ABCA1: variants seen among roughly 807,000 people sequenced by gnomAD.
The protein encoded by ABCA1 is phospholipid-transporting ATPase ABCA1.
In ABCA1, 133 loss-of-function variants were observed where a neutral mutation model predicts 262.5. The observed-to-expected ratio is 0.51, with a 90% CI of 0.44 to 0.59. The LOEUF (loss-of-function observed/expected upper bound fraction) is 0.59, where lower values mean the gene tolerates loss of function less well. Among genes scored for constraint, ABCA1 ranks in the 20% least tolerant of loss-of-function variants. The probability of loss-of-function intolerance (pLI) is 0.00; values close to 1 mark genes in which losing one functional copy is unlikely to be tolerated. For missense variants in ABCA1, 2,452 were observed against 2,777.5 expected (o/e 0.88, Z 2.63); for synonymous variants, 1,022 against 1,043.5 (o/e 0.98, Z 0.40).
intron 1 of ABCA1, among the ~76,000 whole-genome samples, chr9:104,912,848 A>G (rs1365500834): frequency 2.0e-5 from 3 of 152,190 alleles, no homozygotes; most frequent in Non-Finnish European, 4.4e-5. Flanking sequence ...TTTCAGTCAC[A>G]ATCATAACAC....
intron 5 of ABCA1, among the ~76,000 whole-genome samples, chr9:104,880,217 G>C (rs925965062): frequency 6.6e-6 from 1 of 152,150 alleles, no homozygotes; most frequent in Non-Finnish European, 1.5e-5. Flanking sequence ...GCACAGGAGG[G>C]CCAAGCTCAT....
At chr9:104,795,870 ATG>A (rs1829853484) in intron 39 of ABCA1, among the ~76,000 whole-genome samples, 181 bp downstream of exon 39, 1 of 152,346 alleles carries the variant, frequency 6.6e-6, no homozygotes, top group African/African-American at 2.4e-5. Flanking sequence ...GACCAGCAAA[ATG>A]TAAGGCACAG....
Position 104,798,459 on chromosome 9 carries a change from G to C in ABCA1, c.5083C>G (p.Pro1695Ala), listed in dbSNP as rs757764323. ...KHLQFISGVK[P>A]VIYWLSNFVW... ...AAATTAGAGAGCCAGTAGATGACAG[G>C]CTTCACTCCACTGATGAACTGCAGG... The change falls in exon 37 of 50, where the codon CCT becomes GCT. Residue 1695 changes from proline to alanine, a missense_variant. Physicochemically the swap from Pro to Ala is conservative, Grantham distance 27 (BLOSUM62 -1). Coordinates refer to ENST00000374736, the MANE Select transcript of ABCA1 (RefSeq NM_005502.4). 5.0e-6 allele frequency: 8 copies of C among 1,614,168 alleles called. No homozygotes were observed. The highest frequency in any genetic ancestry group is 6.8e-6 in the Non-Finnish European group (8 of 1,180,024).
chr9:104,865,159 AAAC>A (rs1836975267), intron 5 of ABCA1, among the ~76,000 whole-genome samples: 4 of 152,136 alleles, frequency 2.6e-5, no homozygotes, highest in African/African-American at 9.7e-5. Flanking sequence ...ACTGGTTCTC[AAAC>A]ATGACTGCCC....
At position 104,818,881 on chromosome 9, in the gene ABCA1, G is replaced by A. The variant is rs371187966; in HGVS notation, c.3244C>T (p.Arg1082Cys). ...WELLLKYRQGRTIILSTHHMD... is the reference protein window; with the variant it reads ...WELLLKYRQGCTIILSTHHMD... The stretch of plus-strand genomic sequence containing the variant: ...TGGTGTGTAGAGAGAATAATGGTGC[G>A]GCCTGCCAGGCACAAACACAAGGAT... The change falls in exon 23 of 50, where the codon CGC becomes TGC. Residue 1082 changes from arginine to cysteine, a missense_variant and splice_region_variant. Physicochemically the swap from Arg to Cys is radical, Grantham distance 180. Around this residue, in one of 4 missense-constraint regions of ABCA1, gnomAD observed 665 missense variants for 727.3 expected, o/e 0.91. Coordinates refer to ENST00000374736, the MANE Select transcript of ABCA1 (RefSeq NM_005502.4). 1.2e-5 allele frequency: 20 copies of A among 1,611,500 alleles called. No homozygotes were observed. The South Asian group carries it at 1.9e-4, about 15-fold the overall frequency.
At chr9:104,843,283 C>T (rs899013536) in intron 8 of ABCA1, among the ~76,000 whole-genome samples, 1 of 152,230 alleles carries the variant, frequency 6.6e-6, no homozygotes, top group African/African-American at 2.4e-5. Context: ...TGCCAGGCAG[C>T]TGGTCGGTGC....
At chr9:104,787,710 G>A (rs972265096) in intron 46 of ABCA1, 1 of 334,294 alleles carries the variant, frequency 3.0e-6, no homozygotes, top group Non-Finnish European at 4.3e-6. Context: ...AGTGCTTGGA[G>A]TGCCTCTATT....
intron 19 of ABCA1, 142 bp downstream of exon 19, chr9:104,822,354 A>G: frequency 8.9e-7 from 1 of 1,119,320 alleles, no homozygotes; most frequent in Non-Finnish European, 1.3e-6. Context: ...TCATGATTAG[A>G]TAACATGTTC....
intron 6 of ABCA1, chr9:104,861,358 A>G: frequency 1.9e-6 from 1 of 524,676 alleles, no homozygotes; most frequent in Non-Finnish European, 3.4e-6. Context: ...TTATTGCCTC[A>G]GAACTGTGAA....
chr9:104,830,471 C>A (rs113088542), intron 14 of ABCA1, among the ~76,000 whole-genome samples: 5 of 152,030 alleles, frequency 3.3e-5, no homozygotes. Flanking sequence ...GGGTGGATTG[C>A]CTGAGCTCAG....
intron 8 of ABCA1, among the ~76,000 whole-genome samples, chr9:104,842,831 C>T (rs73663566): frequency 0.019 from 2,833 of 152,256 alleles, 101 homozygotes; most frequent in African/African-American, 0.065. Context: ...TCAAGCCCTC[C>T]GCTGGATTCT....
In ABCA1 at chr9:104,800,697, C is replaced by G. The variant is rs532955577; in HGVS notation, c.4699-113G>C. 8.9e-6 allele frequency: 8 copies of G among 900,208 alleles called. No individual in the cohort carries two copies. In the South Asian group the frequency reaches 1.1e-4, roughly 12 times the overall value. The allele number at this position is 900,208 out of a possible 1,614,324, so 55.8% of individuals were successfully genotyped here. On this transcript the variant is annotated intron_variant, in intron 34 of 49. Transcript: ENST00000374736. Reference sequence around the variant, plus strand: ...GCCCTGTGAAGAGCAATGCCACTACCTTGTTCACTGAAATTAAATGTGAAG... The same window carrying G: ...GCCCTGTGAAGAGCAATGCCACTACGTTGTTCACTGAAATTAAATGTGAAG...
rs1287971266 is a variant in ABCA1, at chr9:104,855,499, C to T, written c.720+3023G>A. 6.4e-6 allele frequency: 4 copies of T among 625,360 alleles called. No individual in the cohort carries two copies. In the African/African-American group the frequency reaches 7.4e-5, roughly 12 times the overall value. 38.7% of individuals were successfully genotyped at this position (625,360 alleles called of 1,614,324 possible). A position where few individuals can be genotyped will look rare whatever the true frequency, so the allele number is the denominator to read the frequency against. On this transcript the variant is annotated intron_variant, in intron 7 of 49. Coordinates refer to ENST00000374736, the MANE Select transcript of ABCA1 (RefSeq NM_005502.4). ...TTACAACAGATGTGAGCCACTGTGC[C>T]TGGCTGAAAACTTCTATCTTGACGC...
chr9:104,897,320 GA>G (rs1840311091), intron 2 of ABCA1, among the ~76,000 whole-genome samples: 1 of 152,042 alleles, frequency 6.6e-6, no homozygotes, highest in Admixed American at 6.6e-5. Context: ...GGATCCTCTG[GA>G]AAGACATCTG....
rs1832875729 is a variant in ABCA1 at position 104,827,108 on chromosome 9, G to A, written c.2177C>T (p.Ala726Val). ...GAAGCACTGCAGGATTGTCACCACA[G>A]CAAACACGGACAGGAAGACAAACAC... ...SVVFVFLSVFAVVTILQCFLI... is the reference protein window; with the variant it reads ...SVVFVFLSVFVVVTILQCFLI... Residue 726 changes from alanine to valine, a missense_variant, in exon 16 of 50, where the codon GCT (alanine) becomes GTT (valine). Coordinates refer to ENST00000374736, the MANE Select transcript of ABCA1 (RefSeq NM_005502.4). 3 of 1,614,190 alleles carry A rather than the reference G, an allele frequency of 1.9e-6. No individual in the cohort carries two copies. The highest frequency in any genetic ancestry group is 2.5e-6 in the Non-Finnish European group (3 of 1,180,038).
At chr9:104,835,578 A>T (rs965699548) in intron 11 of ABCA1, among the ~76,000 whole-genome samples, 1 of 151,940 alleles carries the variant, frequency 6.6e-6, no homozygotes, top group African/African-American at 2.4e-5. Flanking sequence ...TCTTCAATTC[A>T]TCCACCCCAT....
chr9:104,788,555 G>A lies in ABCA1; in HGVS notation c.5940C>T (p.Asn1980=), dbSNP rs1326539083. The A allele has an allele frequency of 6.2e-7, 1 of 1,614,164 alleles. No individual in the cohort carries two copies. The highest frequency in any genetic ancestry group is 8.5e-7 in the Non-Finnish European group (1 of 1,180,018). ...CCATGTTCTGATGTACTTCATGGAT[G>A]TTTGATAAGATACTGCAAAGGACAA... ...AFLNKNSILS[N]IHEVHQNMGY... The change falls in exon 45 of 50, where the codon AAC becomes AAT. Residue 1980 remains asparagine (N), a synonymous_variant. Coordinates refer to ENST00000374736, the MANE Select transcript of ABCA1 (RefSeq NM_005502.4).
At position 104,798,287 on chromosome 9, in the gene ABCA1, G is replaced by A. The variant is rs909676646; in HGVS notation, c.5121+134C>T. 1.5e-5 allele frequency: 16 copies of A among 1,057,874 alleles called. No homozygotes were observed. In the African/African-American group the frequency reaches 2.0e-4, roughly 13 times the overall value. 65.5% of individuals were successfully genotyped at this position (1,057,874 alleles called of 1,614,324 possible). A position where few individuals can be genotyped will look rare whatever the true frequency, so the allele number is the denominator to read the frequency against. ...GTCATGAAAGTGATCACCTGCCTCTGGCTATTTCTTTTTCATACATCTTTA... is the reference window on the plus strand; with the variant it reads ...GTCATGAAAGTGATCACCTGCCTCTAGCTATTTCTTTTTCATACATCTTTA... On this transcript the variant is annotated intron_variant, in intron 37 of 49. Coordinates refer to ENST00000374736, the MANE Select transcript of ABCA1 (RefSeq NM_005502.4).
At position 104,837,571 on chromosome 9, in the gene ABCA1, T is replaced by C. The variant is rs1206325491; in HGVS notation, c.1055-4A>G. The C allele has an allele frequency of 2.5e-6, 4 of 1,613,890 alleles. No homozygotes were observed. Among genetic ancestry groups the C allele is most frequent in the South Asian group, 1.1e-5 (1 of 91,072 alleles). On this transcript the variant is annotated splice_polypyrimidine_tract_variant and splice_region_variant and intron_variant, in intron 9 of 49. Transcript: ENST00000374736. ...ATCAAATCATTGCAGTAAGGAGCTA[T>C]GAAGAAGAGGAGAGACAAATGCTCA...
Sources: allele counts gnomAD v4.1 joint callset (sites outside exome capture counted in the v4.1 genomes callset), GRCh38; gene constraint gnomAD v4.1.1; regional missense constraint gnomAD v4.1.1; transcripts MANE v1.5; gene names NCBI Gene and HGNC (gene_info 2026-07-23, HGNC 2026-07-21).